The following ARHGAP27 variants were observed in gnomAD, a reference collection of about 807,000 sequenced individuals.
ARHGAP27 encodes the protein rho GTPase-activating protein 27.
A neutral mutation model predicts 102.0 loss-of-function variants in ARHGAP27; 53 were observed. The ratio of observed to expected loss-of-function variants is 0.52; its 90% CI spans 0.42 to 0.65. ARHGAP27 has a LOEUF of 0.65. ARHGAP27 is among the 30% of genes least tolerant of loss of function. The probability of loss-of-function intolerance (pLI) is 0.00; values close to 1 mark genes in which losing one functional copy is unlikely to be tolerated. For missense variants in ARHGAP27, 1,117 were observed against 1,256.2 expected (o/e 0.89, Z 1.68); for synonymous variants, 525 against 542.8 (o/e 0.97, Z 0.46).
rs766678104 is a variant in ARHGAP27 at position 45,405,735 on chromosome 17, G to T, written c.1006C>A (p.Pro336Thr). Residue 336 changes from proline to threonine, a missense_variant, in exon 5 of 20, where the codon CCC (proline) becomes ACC (threonine). Pro to Thr is a conservative substitution (Grantham distance 38). Around this residue, in one of 3 missense-constraint regions of ARHGAP27, gnomAD observed 610 missense variants for 716.4 expected, o/e 0.85. Transcript: ENST00000685559. ...GGCTGCATCTCCAACTCCTCCTCGG[G>T]CTCGTTCTCGGCCTCGTCCTCCCAG... ...TAWEDEAENEPEEELEMQPGL... is the reference protein window; with the variant it reads ...TAWEDEAENETEEELEMQPGL... The T allele has an allele frequency of 1.2e-6, 2 of 1,602,194 alleles. No homozygotes were observed. Among genetic ancestry groups the T allele is most frequent in the African/African-American group, 1.3e-5 (1 of 74,926 alleles).
At position 45,429,775 on chromosome 17, in the gene ARHGAP27, C is replaced by T; in HGVS notation, c.505G>A (p.Ala169Thr). 1.3e-6 allele frequency: 2 copies of T among 1,526,184 alleles called. No homozygotes were observed. Among genetic ancestry groups the T allele is most frequent in the Middle Eastern group, 1.9e-4 (1 of 5,208 alleles). The allele number at this position is 1,526,184 out of a possible 1,614,324, so 94.5% of individuals were successfully genotyped here. ...CTGCCGCTGCTTCCTAGGAGGCCGG[C>T]GGGAGGCGAGACGGCGGCGCAGGCC... The part of the protein sequence containing the change: ...DLACAAVSPP[A>T]GLLGSSGSFK... Residue 169 changes from alanine (A) to threonine (T), a missense_variant, in exon 4 of 20, where the codon GCC (alanine) becomes ACC (threonine). Physicochemically the swap from Ala to Thr is moderately conservative, Grantham distance 58. Coordinates refer to ENST00000685559, the MANE Select transcript of ARHGAP27 (RefSeq NM_001282290.2).
Position 45,395,861 on chromosome 17 carries a change from A to G in ARHGAP27, c.2387-12T>C, listed in dbSNP as rs1280603490. ...CTGGTCCTGCAACTCTGGGTGAGGG[A>G]AGGTTTAGAGGGAGGGAGTCGGAAC... On this transcript the variant is annotated splice_polypyrimidine_tract_variant and intron_variant, in intron 18 of 19. Coordinates refer to ENST00000685559, the MANE Select transcript of ARHGAP27 (RefSeq NM_001282290.2). 2.6e-5 allele frequency: 41 copies of G among 1,597,124 alleles called. No homozygotes were observed. The highest frequency in any genetic ancestry group is 3.4e-5 in the Non-Finnish European group (40 of 1,172,034).
rs1421987685 is a variant in ARHGAP27 at position 45,394,597 on chromosome 17, GTA to G, written c.*857_*858del. ...CATAGGCCCAAAGGTTGGATGGGTGGTAGCTGAAAGAACTGATTTTCCCCCTA... is the reference window on the plus strand; with the variant it reads ...CATAGGCCCAAAGGTTGGATGGGTGGGCTGAAAGAACTGATTTTCCCCCTA... On this transcript the variant is annotated 3_prime_UTR_variant, in exon 20 of 20. Coordinates refer to ENST00000685559, the MANE Select transcript of ARHGAP27 (RefSeq NM_001282290.2). 6.6e-6 allele frequency: 1 copy of G among 152,304 alleles called. No individual in the cohort carries two copies. Among genetic ancestry groups the G allele is most frequent in the Non-Finnish European group, 1.5e-5 (1 of 68,090 alleles). The allele number at this position is 152,304 out of a possible 1,614,324, so 9.4% of individuals were successfully genotyped here. A position where few individuals can be genotyped will look rare whatever the true frequency, so the allele number is the denominator to read the frequency against.
chr17:45,395,242 A>C lies in ARHGAP27; in HGVS notation c.*214T>G. On this transcript the variant is annotated 3_prime_UTR_variant, in exon 20 of 20. Transcript: ENST00000685559. ...CCCAAACAGGACGTGACGGGAAGGG[A>C]AGGGGGGATGGGGAGTTGGGAAGAA... 1 of 610,210 alleles carries C rather than the reference A, an allele frequency of 1.6e-6. No homozygotes were observed. The highest frequency in any genetic ancestry group is 2.8e-6 in the Non-Finnish European group (1 of 354,906). 37.8% of individuals were successfully genotyped at this position (610,210 alleles called of 1,614,324 possible). A position where few individuals can be genotyped will look rare whatever the true frequency, so the allele number is the denominator to read the frequency against.
intron 9 of ARHGAP27, 29 bp from the exon 10 acceptor site, chr17:45,404,125 A>C (rs1033979738): frequency 6.2e-7 from 1 of 1,613,604 alleles, no homozygotes; most frequent in Non-Finnish European, 8.5e-7. Context: ...AGCAGGCGCA[A>C]GAGTGTGTAG....
At chr17:45,398,660 G>T (rs1027218593) in intron 12 of ARHGAP27, among the ~76,000 whole-genome samples, 3 of 151,922 alleles carry the variant, frequency 2.0e-5, no homozygotes, top group African/African-American at 7.3e-5. Context: ...CTTGAACCCG[G>T]GAAGCGGAGG....
intron 2 of ARHGAP27, among the ~76,000 whole-genome samples, 193 bp from the exon 3 acceptor site, chr17:45,431,945 G>A (rs2050083107): frequency 5.9e-5 from 9 of 152,256 alleles, no homozygotes; most frequent in Admixed American, 5.2e-4. Flanking sequence ...GGCACTGGCA[G>A]GTCGCGAGCG....
chr17:45,410,563 A>G (rs1597816167), intron 4 of ARHGAP27: 2 of 599,912 alleles, frequency 3.3e-6, no homozygotes, highest in East Asian at 8.2e-5. Context: ...AGTGAGCCGC[A>G]TCCGAGGCCC....
chr17:45,429,720 C>G lies in ARHGAP27; in HGVS notation c.560G>C (p.Trp187Ser), dbSNP rs1380798216. 2.6e-6 allele frequency: 4 copies of G among 1,546,372 alleles called. No homozygotes were observed. The highest frequency in any genetic ancestry group is 3.9e-5 in the Admixed American group (2 of 51,272). Residue 187 changes from tryptophan (W) to serine (S), a missense_variant, in exon 4 of 20, where the codon TGG becomes TCG. Physicochemically the swap from Trp to Ser is radical, Grantham distance 177 (BLOSUM62 -3). Transcript: ENST00000685559. The part of the protein sequence containing the change: ...SFKACSVAGS[W>S]VCPRPLARSD... ...GCGCGCCAGAGGCCGCGGGCACACC[C>G]AGGAGCCCGCCACGCTGCAGGCCTT...
At chr17:45,403,501 A>T in intron 11 of ARHGAP27, 118 bp downstream of exon 11, 1 of 837,962 alleles carries the variant, frequency 1.2e-6, no homozygotes, top group South Asian at 1.9e-5. Flanking sequence ...CAGTGAGCCG[A>T]GATTACACCA....
In ARHGAP27 at chr17:45,396,709, C is replaced by CTT; in HGVS notation, c.2032_2033insAA (p.Arg678GlnfsTer95). The CTT allele has an allele frequency of 6.2e-7, 1 of 1,613,840 alleles. No individual in the cohort carries two copies. The highest frequency in any genetic ancestry group is 8.5e-7 in the Non-Finnish European group (1 of 1,179,804). ...CTCCCGCAGCGACTGCAGTGTGGGC[C>CTT]GCCTCTGGAGGAACTTGCGGAGCTT... is the stretch of plus-strand genomic sequence containing the variant. On this transcript the variant is annotated frameshift_variant, in exon 15 of 20. Transcript: ENST00000685559. LOFTEE classifies it high-confidence loss of function.
chr17:45,420,298 TTG>T (rs1845879910), intron 4 of ARHGAP27, among the ~76,000 whole-genome samples: 1 of 45,714 alleles, frequency 2.2e-5, no homozygotes, highest in African/African-American at 5.1e-5. Context: ...AACAAGGTTT[TTG>T]TTTTGTTTTG....
Position 45,430,992 on chromosome 17 carries a change from G to A in ARHGAP27, c.-19+629C>T, listed in dbSNP as rs545547641. Among the ~76,000 whole-genome samples the A allele has an allele frequency of 1.9e-4, 29 of 152,118 alleles. No individual in the cohort carries two copies. In the South Asian group the frequency reaches 2.3e-3, roughly 12 times the overall value. On this transcript the variant is annotated intron_variant, in intron 3 of 19. Transcript: ENST00000685559. This position sits in a 1 kb window ranked among gnomAD's most constrained non-coding sequence, Gnocchi z 4.4. The stretch of plus-strand genomic sequence containing the variant: ...CTTCCCCAGCTGCATCACCGCAGAC[G>A]TGAGCCCGAGCCCGGCCCGCCCAGC...
intron 4 of ARHGAP27, chr17:45,410,413 TGA>T: frequency 7.3e-7 from 1 of 1,374,822 alleles, no homozygotes; most frequent in South Asian, 1.7e-5. Flanking sequence ...GGCGGGAGGC[TGA>T]GACTCCAGCC....
rs114067481 is a variant in ARHGAP27, at chr17:45,419,768, A to G, written c.657+9855T>C. Among the ~76,000 whole-genome samples, 765 of 152,080 alleles carry G rather than the reference A, an allele frequency of 5.0e-3. 7 individuals carry two copies. The highest frequency in any genetic ancestry group is 0.017 in the African/African-American group (726 of 41,486). Reference sequence around the variant, plus strand: ...GTATAGAAAAAGCTACTAGAACTCAATAAGAAAAAAGCCCAACAACCCAAT... The same window carrying G: ...GTATAGAAAAAGCTACTAGAACTCAGTAAGAAAAAAGCCCAACAACCCAAT... On this transcript the variant is annotated intron_variant, in intron 4 of 19. Coordinates refer to ENST00000685559, the MANE Select transcript of ARHGAP27 (RefSeq NM_001282290.2).
chr17:45,428,123 C>T (rs2049784816), intron 4 of ARHGAP27, among the ~76,000 whole-genome samples: 1 of 152,250 alleles, frequency 6.6e-6, no homozygotes. Context: ...CAAGGCCATT[C>T]CCCCACCTCC....
At position 45,405,090 on chromosome 17, in the gene ARHGAP27, G is replaced by A. The variant is rs1360389324; in HGVS notation, c.1082C>T (p.Thr361Met). The change falls in exon 6 of 20, where the codon ACG (threonine) becomes ATG (methionine). Residue 361 changes from threonine to methionine, a missense_variant. Thr to Met is a moderately conservative substitution (Grantham distance 81). Transcript: ENST00000685559. ...PGDPRPPTPE[T>M]DYPESLTSYP... ...ACTGGTCAGCGACTCGGGGTAGTCC[G>A]TCTCGGGAGTGGGGGGCTGCGGGGA... 3.8e-6 allele frequency: 6 copies of A among 1,587,110 alleles called. No homozygotes were observed. Among genetic ancestry groups the A allele is most frequent in the Middle Eastern group, 1.7e-4 (1 of 5,782 alleles).
At chr17:45,396,142 CG>C (rs770992376) in intron 17 of ARHGAP27, 25 bp from the exon 18 acceptor site, 1 of 1,601,606 alleles carries the variant, frequency 6.2e-7, no homozygotes, top group Admixed American at 1.7e-5. Flanking sequence ...GGGAGGAGGA[CG>C]GAAGGGAAAT....
At chr17:45,429,255 T>A in intron 4 of ARHGAP27, 1 of 553,814 alleles carries the variant, frequency 1.8e-6, no homozygotes, top group South Asian at 3.0e-5. Flanking sequence ...CAGCAGGGCT[T>A]GGGGCAGCAG....
Sources: gnomAD v4.1 joint callset for allele counts (sites outside exome capture counted in the v4.1 genomes callset) on GRCh38, gnomAD v4.1.1 for gene constraint, gnomAD v4.1.1 regional missense constraint, Gnocchi (gnomAD v3.1) non-coding constraint, MANE v1.5 for transcripts, NCBI Gene and HGNC (gene_info 2026-07-23, HGNC 2026-07-21) for gene names.